The following LARP4B variants were observed in gnomAD, a reference collection of about 807,000 sequenced individuals.
The protein encoded by LARP4B is La ribonucleoprotein 4B, also known as la-related protein 4B.
LARP4B carries 12 observed loss-of-function variants against 89.8 expected under a neutral mutation model. That is an observed-to-expected ratio of 0.13 (90% CI 0.09 to 0.22). The LOEUF is 0.22. LARP4B is among the 10% of genes least tolerant of loss of function. LARP4B has a pLI of 1.00. For synonymous variants in LARP4B, 367 were observed against 363.3 expected (o/e 1.01, Z -0.12); for missense variants, 757 against 947.7 (o/e 0.80, Z 2.64).
At chr10:898,194 T>C (rs1394580843) in intron 1 of LARP4B, among the ~76,000 whole-genome samples, 2 of 152,098 alleles carry the variant, frequency 1.3e-5, no homozygotes, top group Non-Finnish European at 2.9e-5. Context: ...AAAATACTAC[T>C]TTGCATCCAC....
At chr10:908,764 A>G (rs532968819) in intron 1 of LARP4B, among the ~76,000 whole-genome samples, 10 of 152,292 alleles carry the variant, frequency 6.6e-5, no homozygotes, top group Admixed American at 2.0e-4. Flanking sequence ...TCCAAAATAT[A>G]CTGAAAGCTA....
chr10:952,207 G>A, the LARP4B span, among the ~76,000 whole-genome samples: 2 of 151,706 alleles, frequency 1.3e-5, no homozygotes, highest in Non-Finnish European at 2.9e-5. Flanking sequence ...GGGCTTGGTG[G>A]CGGGCACCTG....
At chr10:902,872 C>T (rs1417852362) in intron 1 of LARP4B, among the ~76,000 whole-genome samples, 2 of 152,084 alleles carry the variant, frequency 1.3e-5, no homozygotes, top group Non-Finnish European at 2.9e-5. Flanking sequence ...CTCAACCTGA[C>T]CTCAAGTGAT....
chr10:825,712 G>A (rs949162350), intron 12 of LARP4B, 52 bp downstream of exon 12: 33 of 1,221,214 alleles, frequency 2.7e-5, no homozygotes, highest in African/African-American at 6.0e-5. Context: ...TCCCAACTCC[G>A]GAAGGGCAGT....
chr10:865,971 C>T (rs1022530770), intron 3 of LARP4B, among the ~76,000 whole-genome samples: 2 of 152,178 alleles, frequency 1.3e-5, no homozygotes, highest in African/African-American at 4.8e-5. Flanking sequence ...GAAAGGACCA[C>T]CATGAGCCGT....
chr10:961,681 G>A, the LARP4B span, among the ~76,000 whole-genome samples: 1 of 152,194 alleles, frequency 6.6e-6, no homozygotes, highest in South Asian at 2.1e-4. Flanking sequence ...GGAGCTGCTT[G>A]TACAGAGATG....
chr10:851,791 G>A (rs185403251), intron 5 of LARP4B, among the ~76,000 whole-genome samples: 3 of 152,290 alleles, frequency 2.0e-5, no homozygotes, highest in East Asian at 1.9e-4. Flanking sequence ...CAGGTGGGAC[G>A]CAGTGGCTCA....
At chr10:840,548 G>C (rs1047763949) in intron 7 of LARP4B, among the ~76,000 whole-genome samples, 1 of 152,192 alleles carries the variant, frequency 6.6e-6, no homozygotes, top group Non-Finnish European at 1.5e-5. Flanking sequence ...TACTCACTGT[G>C]TGTATATAAC....
chr10:952,433 C>T, the LARP4B span, among the ~76,000 whole-genome samples: 1 of 144,458 alleles, frequency 6.9e-6, no homozygotes. Context: ...ATCGCACCAG[C>T]CCAGACCCAA....
At chr10:960,937 C>T in the LARP4B span, among the ~76,000 whole-genome samples, 1 of 152,056 alleles carries the variant, frequency 6.6e-6, no homozygotes, top group Non-Finnish European at 1.5e-5. Flanking sequence ...GCCACAGAAT[C>T]GAGGCATAGG....
In LARP4B at chr10:830,923, A is replaced by G; in HGVS notation, c.805T>C (p.Phe269Leu). Residue 269 changes from phenylalanine (F) to leucine (L), a missense_variant, in exon 9 of 18, where the codon TTT becomes CTT. By Grantham distance (22) the Phe-to-Leu change is conservative. Around this residue, in one of 5 missense-constraint regions of LARP4B, gnomAD observed 137 missense variants for 213.9 expected, o/e 0.64. Transcript: ENST00000316157. ...DNLPKFINCE[F>L]AYNDNWFITF... is the part of the protein sequence containing the mutation. ...ATAAACCAATTATCATTATATGCAA[A>G]TTCACAGTTTATAAATTTTGGTAAA... is the stretch of plus-strand genomic sequence containing the variant. The G allele has an allele frequency of 7.0e-7, 1 of 1,424,632 alleles. No individual in the cohort carries two copies. The highest frequency in any genetic ancestry group is 9.9e-7 in the Non-Finnish European group (1 of 1,011,698). The allele number at this position is 1,424,632 out of a possible 1,614,324, so 88.2% of individuals were successfully genotyped here.
In LARP4B at chr10:814,860, T is replaced by C. The variant is rs1831943238; in HGVS notation, c.1821-10A>G. 6.3e-7 allele frequency: 1 copy of C among 1,585,706 alleles called. No individual in the cohort carries two copies. The highest frequency in any genetic ancestry group is 1.7e-5 in the Admixed American group (1 of 58,516). On this transcript the variant is annotated splice_polypyrimidine_tract_variant and intron_variant, in intron 16 of 17. Transcript: ENST00000316157. The surrounding 1 kb of genome is among the most constrained non-coding windows in gnomAD (Gnocchi z 4.4). ...CGCCACCTTGGGATCACTGTAAAAA[T>C]GCCACCCGATATTTGAATCTCATGC... is the stretch of plus-strand genomic sequence containing the variant.
chr10:915,806 C>G (rs1050111941), intron 1 of LARP4B, among the ~76,000 whole-genome samples: 18 of 138,648 alleles, frequency 1.3e-4, no homozygotes, highest in African/African-American at 3.8e-4. Flanking sequence ...GCATTCCAGC[C>G]TGGGAGACAG....
At chr10:958,348 C>T in the LARP4B span, among the ~76,000 whole-genome samples, 12 of 152,324 alleles carry the variant, frequency 7.9e-5, no homozygotes, top group African/African-American at 2.4e-4. Context: ...GCAGACACCC[C>T]GTGAAAGCAC....
At chr10:905,290 A>G (rs1836458932) in intron 1 of LARP4B, among the ~76,000 whole-genome samples, 1 of 152,234 alleles carries the variant, frequency 6.6e-6, no homozygotes, top group Non-Finnish European at 1.5e-5. Context: ...TAACAGTGTT[A>G]TAAGTGGTGA....
chr10:866,917 G>A (rs1237637980), intron 3 of LARP4B, among the ~76,000 whole-genome samples: 1 of 152,238 alleles, frequency 6.6e-6, no homozygotes, highest in African/African-American at 2.4e-5. Context: ...TTCCAGGGTG[G>A]CAGTCACCAT....
At chr10:894,354 A>G (rs1836127188) in intron 1 of LARP4B, among the ~76,000 whole-genome samples, 1 of 152,222 alleles carries the variant, frequency 6.6e-6, no homozygotes, top group Non-Finnish European at 1.5e-5. Context: ...GCCATCATCT[A>G]AATCCAAAAT....
intron 5 of LARP4B, among the ~76,000 whole-genome samples, chr10:857,983 C>T (rs1257856408): frequency 6.6e-6 from 1 of 152,128 alleles, no homozygotes; most frequent in African/African-American, 2.4e-5. Flanking sequence ...CTAGGAAATG[C>T]AAGCCAATTT....
chr10:827,727 G>A (rs1160171748), intron 11 of LARP4B, among the ~76,000 whole-genome samples: 2 of 152,166 alleles, frequency 1.3e-5, no homozygotes, highest in African/African-American at 4.8e-5. Flanking sequence ...AGCAACTGCT[G>A]CAGGAAGAAC....
Sources: gnomAD v4.1 joint callset for allele counts (sites outside exome capture counted in the v4.1 genomes callset) on GRCh38, gnomAD v4.1.1 for gene constraint, gnomAD v4.1.1 regional missense constraint, Gnocchi (gnomAD v3.1) non-coding constraint, MANE v1.5 for transcripts, NCBI Gene and HGNC (gene_info 2026-07-23, HGNC 2026-07-21) for gene names.